The following SSH2 variants were observed in gnomAD, a reference collection of about 807,000 sequenced individuals.
SSH2 encodes protein phosphatase Slingshot homolog 2.
Under a neutral mutation model 135.2 loss-of-function variants are expected in SSH2, and 37 were observed. The observed-to-expected ratio is 0.27, with a 90% CI of 0.21 to 0.36. The LOEUF (loss-of-function observed/expected upper bound fraction) is 0.36, where lower values mean the gene tolerates loss of function less well. Ranked by LOEUF, SSH2 falls within the 10% of genes least tolerant of loss-of-function variation. The pLI, the probability that SSH2 is intolerant of heterozygous loss-of-function variation, is 1.00. For synonymous variants in SSH2, 628 were observed against 646.2 expected (o/e 0.97, Z 0.43); for missense variants, 1,408 against 1,765.3 (o/e 0.80, Z 3.63).
At chr17:29,641,456 ACC>A (rs1367986355) in intron 14 of SSH2, among the ~76,000 whole-genome samples, 81 of 152,312 alleles carry the variant, frequency 5.3e-4, no homozygotes, top group Admixed American at 2.9e-3. Context: ...GGATGATATA[ACC>A]AAGTCTCAGA....
chr17:29,876,197 GAAA>G (rs78321127), intron 1 of SSH2, among the ~76,000 whole-genome samples: 2 of 112,650 alleles, frequency 1.8e-5, no homozygotes, highest in Non-Finnish European at 1.8e-5. Context: ...AAGGTAAAAA[GAAA>G]AAAAAAAAAA....
intron 4 of SSH2, among the ~76,000 whole-genome samples, chr17:29,696,811 A>C (rs1006214498): frequency 2.6e-5 from 4 of 150,966 alleles, no homozygotes; most frequent in Non-Finnish European, 5.9e-5. Context: ...CAGCCTCCCG[A>C]GTAGCTGGGA....
At chr17:29,653,892 T>A (rs557801394) in intron 12 of SSH2, among the ~76,000 whole-genome samples, 2 of 152,128 alleles carry the variant, frequency 1.3e-5, no homozygotes, top group African/African-American at 4.8e-5. Flanking sequence ...CTGGCCAGAA[T>A]TACAGAATTT....
chr17:29,821,737 G>A (rs1469079664), intron 2 of SSH2, among the ~76,000 whole-genome samples: 2 of 150,970 alleles, frequency 1.3e-5, no homozygotes, highest in African/African-American at 2.4e-5. Flanking sequence ...CTCTGCCCCC[G>A]GGTTCAAGTG....
intron 3 of SSH2, among the ~76,000 whole-genome samples, chr17:29,750,859 CAA>C (rs77910570): frequency 2.3e-4 from 19 of 83,484 alleles, no homozygotes; most frequent in African/African-American, 1.5e-4. Context: ...ACCAAAAATA[CAA>C]AAAAAAAAAA....
At chr17:29,771,972 C>T (rs2041595647) in intron 3 of SSH2, among the ~76,000 whole-genome samples, 1 of 152,154 alleles carries the variant, frequency 6.6e-6, no homozygotes, top group Non-Finnish European at 1.5e-5. Flanking sequence ...TTTACCACAA[C>T]ATTGGAAGTT....
chr17:29,910,112 AT>A (rs1567647730), intron 1 of SSH2, among the ~76,000 whole-genome samples: 2 of 152,022 alleles, frequency 1.3e-5, no homozygotes, highest in African/African-American at 4.8e-5. Context: ...CAATTGGTTA[AT>A]TTTTTTATTT....
intron 3 of SSH2, among the ~76,000 whole-genome samples, chr17:29,775,557 T>A (rs1194822558): frequency 1.3e-5 from 2 of 152,212 alleles, no homozygotes; most frequent in Non-Finnish European, 2.9e-5. Context: ...CCTGGGAATG[T>A]CATTTTTTGA....
chr17:29,792,758 G>A (rs1599007266), intron 3 of SSH2, among the ~76,000 whole-genome samples: 1 of 152,132 alleles, frequency 6.6e-6, no homozygotes. Context: ...CTCACTGCAA[G>A]CTCCGCCTCC....
chr17:29,911,094 T>TA (rs2066756441), intron 1 of SSH2, among the ~76,000 whole-genome samples: 1 of 152,216 alleles, frequency 6.6e-6, no homozygotes, highest in Admixed American at 6.5e-5. Context: ...ATGCTACACC[T>TA]ATGGTAACAG....
At chr17:29,884,755 C>A (rs1288748001) in intron 1 of SSH2, among the ~76,000 whole-genome samples, 1 of 152,126 alleles carries the variant, frequency 6.6e-6, no homozygotes, top group Admixed American at 6.5e-5. Context: ...CAGGCCTCTA[C>A]CACTTCACTT....
chr17:29,816,279 TA>T lies in SSH2; in HGVS notation c.145-22343del, dbSNP rs1439580543. On this transcript the variant is annotated intron_variant, in intron 2 of 15. Transcript: ENST00000540801. ...ATCAAATTTACTTAACGGGAAGTAA[TA>T]TTTTTATAGTAACAGATATAGAGGT... Among the ~76,000 whole-genome samples the T allele has an allele frequency of 2.0e-5, 3 of 152,196 alleles. No individual in the cohort carries two copies. In the East Asian group the frequency reaches 5.8e-4, roughly 29 times the overall value.
At chr17:29,772,412 A>T (rs1418465991) in intron 3 of SSH2, among the ~76,000 whole-genome samples, 1 of 151,866 alleles carries the variant, frequency 6.6e-6, no homozygotes, top group Non-Finnish European at 1.5e-5. Flanking sequence ...TGCCCGAATA[A>T]TTTTTTGTAT....
At chr17:29,913,512 T>C (rs1426122736) in intron 1 of SSH2, among the ~76,000 whole-genome samples, 2 of 149,168 alleles carry the variant, frequency 1.3e-5, no homozygotes, top group Admixed American at 1.3e-4. Context: ...AACAGTAAAA[T>C]GGGCAATTAA....
At chr17:29,717,973 C>A (rs2002094) in intron 3 of SSH2, among the ~76,000 whole-genome samples, 8,155 of 152,224 alleles carry the variant, frequency 0.054, 326 homozygotes, top group Non-Finnish European at 0.085. Context: ...ATGTAGTTAG[C>A]CAACAATGAG....
At chr17:29,907,358 G>A (rs970354946) in intron 1 of SSH2, among the ~76,000 whole-genome samples, 5 of 151,954 alleles carry the variant, frequency 3.3e-5, no homozygotes, top group Admixed American at 3.3e-4. Flanking sequence ...GTTGGGGGTG[G>A]AGTGGGGGGA....
chr17:29,849,617 T>G (rs1404424189), intron 1 of SSH2, among the ~76,000 whole-genome samples: 1 of 151,790 alleles, frequency 6.6e-6, no homozygotes, highest in Non-Finnish European at 1.5e-5. Context: ...TGTTTAGAGA[T>G]AGGCTATAGA....
chr17:29,867,490 T>C (rs1339795737), intron 1 of SSH2, among the ~76,000 whole-genome samples: 1 of 152,170 alleles, frequency 6.6e-6, no homozygotes, highest in Non-Finnish European at 1.5e-5. Context: ...TGCTAACGTG[T>C]GTATCAGGTA....
chr17:29,689,643 C>T (rs1321421821), intron 5 of SSH2, among the ~76,000 whole-genome samples: 1 of 152,144 alleles, frequency 6.6e-6, no homozygotes, highest in African/African-American at 2.4e-5. Flanking sequence ...TGAATTGGAT[C>T]CAGCAATCTT....
Sources: allele counts gnomAD v4.1 joint callset (sites outside exome capture counted in the v4.1 genomes callset), GRCh38; gene constraint gnomAD v4.1.1; transcripts MANE v1.5; gene names NCBI Gene and HGNC (gene_info 2026-07-23, HGNC 2026-07-21).